The following ASTN2 variants were observed in gnomAD, a reference collection of about 807,000 sequenced individuals.
The protein encoded by ASTN2 is astrotactin-2.
In ASTN2, 54 loss-of-function variants were observed where a neutral mutation model predicts 139.8. The ratio of observed to expected loss-of-function variants is 0.39; its 90% CI spans 0.31 to 0.48. The LOEUF (loss-of-function observed/expected upper bound fraction) is 0.48, where lower values mean the gene tolerates loss of function less well. Among genes scored for constraint, ASTN2 ranks in the 20% least tolerant of loss-of-function variants. The pLI is 0.95. For missense variants in ASTN2, 1,565 were observed against 1,725.1 expected, an observed-to-expected ratio of 0.91 and a Z score of 1.64; for synonymous variants, 756 against 719.5, an observed-to-expected ratio of 1.05 and a Z score of -0.81.
chr9:116,457,358 G>A (rs530296341), intron 20 of ASTN2, among the ~76,000 whole-genome samples: 1 of 151,926 alleles, frequency 6.6e-6, no homozygotes, highest in African/African-American at 2.4e-5. Flanking sequence ...CAAATGGGAT[G>A]ATATCAAGTG....
At chr9:117,056,228 G>A (rs1027212186) in intron 5 of ASTN2, among the ~76,000 whole-genome samples, 1 of 152,188 alleles carries the variant, frequency 6.6e-6, no homozygotes, top group Admixed American at 6.5e-5. Flanking sequence ...GATAATGAAT[G>A]TTTGTTGTTT....
intron 13 of ASTN2, among the ~76,000 whole-genome samples, chr9:116,768,923 G>A (rs555879386): frequency 6.6e-6 from 1 of 152,284 alleles, no homozygotes; most frequent in South Asian, 2.1e-4. Context: ...TCTATGCTCT[G>A]GTGACTACTA....
At chr9:116,861,972 T>TC (rs1352568227) in intron 11 of ASTN2, among the ~76,000 whole-genome samples, 1 of 49,214 alleles carries the variant, frequency 2.0e-5, no homozygotes, top group Non-Finnish European at 4.1e-5. Context: ...ATTTCCTTCT[T>TC]CTTTTTTTTT....
chr9:117,095,297 C>T (rs2132752883), intron 5 of ASTN2, among the ~76,000 whole-genome samples: 1 of 152,280 alleles, frequency 6.6e-6, no homozygotes, highest in Non-Finnish European at 1.5e-5. Flanking sequence ...CAGGCAATTG[C>T]CTGAAATATG....
chr9:116,521,832 T>A (rs1587931761), intron 19 of ASTN2, among the ~76,000 whole-genome samples: 1 of 86,614 alleles, frequency 1.2e-5, no homozygotes. Flanking sequence ...AAACAAACAA[T>A]CCCATTAAAA....
At chr9:116,686,965 C>G in intron 16 of ASTN2, 2 of 1,463,924 alleles carry the variant, frequency 1.4e-6, no homozygotes, top group Non-Finnish European at 1.8e-6. Context: ...CAGTAAGGTG[C>G]CAACGCTTTG....
chr9:116,495,881 C>T (rs1849653428), intron 19 of ASTN2, among the ~76,000 whole-genome samples: 1 of 152,158 alleles, frequency 6.6e-6, no homozygotes, highest in Admixed American at 6.5e-5. Context: ...CCTTCTTCCT[C>T]ACTTCCTGGG....
chr9:117,047,237 C>T (rs1838773846), intron 5 of ASTN2, among the ~76,000 whole-genome samples: 1 of 152,134 alleles, frequency 6.6e-6, no homozygotes, highest in Admixed American at 6.5e-5. Flanking sequence ...GGGTATATGG[C>T]CCCATATCCT....
At chr9:117,392,047 C>T (rs4837163) in intron 1 of ASTN2, among the ~76,000 whole-genome samples, 115,596 of 152,058 alleles carry the variant, frequency 0.76, 44,207 homozygotes, top group East Asian at 0.83. Context: ...ATAAGCACAA[C>T]GGGAAGTCAT....
chr9:116,519,769 CAAGAA>C (rs532183793), intron 19 of ASTN2, among the ~76,000 whole-genome samples: 3 of 151,554 alleles, frequency 2.0e-5, no homozygotes, highest in African/African-American at 4.8e-5. Context: ...TGAGATTAAC[CAAGAA>C]AAGAAGAGAG....
At chr9:117,275,812 C>T (rs1421897046) in intron 2 of ASTN2, among the ~76,000 whole-genome samples, 1 of 152,040 alleles carries the variant, frequency 6.6e-6, no homozygotes, top group Non-Finnish European at 1.5e-5. Flanking sequence ...TCAAGTAATT[C>T]GCCTGCGTTG....
At chr9:117,251,756 G>A (rs1446217801) in intron 2 of ASTN2, among the ~76,000 whole-genome samples, 2 of 152,180 alleles carry the variant, frequency 1.3e-5, no homozygotes, top group African/African-American at 4.8e-5. Context: ...GGCAAACCTG[G>A]AGGCCAGGAC....
Position 117,351,085 on chromosome 9 carries a change from C to T in ASTN2, c.443-59572G>A, listed in dbSNP as rs1371525405. Among the ~76,000 whole-genome samples, 11 of 152,114 alleles carry T rather than the reference C, an allele frequency of 7.2e-5. No individual in the cohort carries two copies. In the East Asian group the frequency reaches 7.7e-4, roughly 11 times the overall value. On this transcript the variant is annotated intron_variant, in intron 1 of 22. Coordinates refer to ENST00000313400, the MANE Select transcript of ASTN2 (RefSeq NM_001365068.1). ...ACACTGCTACTCTCTTTAACAGAAG[C>T]GCATGACAGAGCATTTAGGAAAAGA...
At chr9:117,061,139 T>TTTTATTTATTTATTTATTTA (rs71379255) in intron 5 of ASTN2, among the ~76,000 whole-genome samples, 3 of 141,928 alleles carry the variant, frequency 2.1e-5, no homozygotes, top group Admixed American at 7.1e-5. Context: ...TACACCAGTC[T>TTTTATTTATTTATTTATTTA]TTTATTTATT....
chr9:117,123,316 A>C (rs1357918973), intron 4 of ASTN2, among the ~76,000 whole-genome samples: 3 of 151,924 alleles, frequency 2.0e-5, no homozygotes, highest in Admixed American at 2.0e-4. Context: ...GAAGGCTTCC[A>C]TGAGAGAGGC....
intron 19 of ASTN2, among the ~76,000 whole-genome samples, chr9:116,529,987 T>G (rs1851252996): frequency 1.3e-5 from 2 of 150,898 alleles, no homozygotes; most frequent in Admixed American, 1.3e-4. Context: ...ATGAAATCAG[T>G]ACGTCAAGGG....
chr9:116,738,672 G>C (rs1410715292), intron 13 of ASTN2, among the ~76,000 whole-genome samples: 2 of 152,140 alleles, frequency 1.3e-5, no homozygotes, highest in East Asian at 3.9e-4. Context: ...TGTGAGACAG[G>C]TACTATCATT....
intron 7 of ASTN2, among the ~76,000 whole-genome samples, chr9:116,983,651 G>A (rs12335930): frequency 0.081 from 12,265 of 152,284 alleles, 685 homozygotes; most frequent in Non-Finnish European, 0.1. Context: ...TGTGGGAAGA[G>A]TAAATTTTCT....
chr9:116,713,134 T>A (rs1828216854), intron 16 of ASTN2, among the ~76,000 whole-genome samples: 1 of 152,196 alleles, frequency 6.6e-6, no homozygotes, highest in Non-Finnish European at 1.5e-5. Context: ...CTTTGGGCAA[T>A]TATTTTTCTT....
Sources: allele counts gnomAD v4.1 joint callset (sites outside exome capture counted in the v4.1 genomes callset), GRCh38; gene constraint gnomAD v4.1.1; transcripts MANE v1.5; gene names NCBI Gene and HGNC (gene_info 2026-07-23, HGNC 2026-07-21).